The following KLRG2 variants were observed in gnomAD, a reference collection of about 807,000 sequenced individuals.
KLRG2 encodes the protein killer cell lectin-like receptor subfamily G member 2.
Under a neutral mutation model 35.4 loss-of-function variants are expected in KLRG2, and 39 were observed. The observed-to-expected ratio is 1.10, with a 90% confidence interval of 0.85 to 1.44. The LOEUF is 1.44. Ranked by LOEUF, KLRG2 falls within the 40% of genes most tolerant of loss-of-function variation. The pLI, the probability that KLRG2 is intolerant of heterozygous loss-of-function variation, is 0.00. For missense variants in KLRG2, 632 were observed against 570.9 expected, an observed-to-expected ratio of 1.11 and a Z score of -1.09; for synonymous variants, 283 against 265.8, an observed-to-expected ratio of 1.06 and a Z score of -0.63.
chr7:139,449,238 C>T (rs1370562469), downstream of KLRG2, among the ~76,000 whole-genome samples: 3 of 151,798 alleles, frequency 2.0e-5, no homozygotes, highest in Non-Finnish European at 4.4e-5. Flanking sequence ...CCTGTCTCTA[C>T]TAAAAATACA....
chr7:139,469,696 G>A (rs1054117214), intron 3 of KLRG2, among the ~76,000 whole-genome samples: 2 of 152,026 alleles, frequency 1.3e-5, no homozygotes, highest in East Asian at 1.9e-4. Context: ...CACCCACCTC[G>A]GCCTCCCAAA....
At chr7:139,433,857 G>A in the KLRG2 span, among the ~76,000 whole-genome samples, 5 of 151,868 alleles carry the variant, frequency 3.3e-5, no homozygotes, top group African/African-American at 7.3e-5. Flanking sequence ...GGCTGGTCTC[G>A]AACTCCTGAC....
the KLRG2 span, among the ~76,000 whole-genome samples, chr7:139,430,237 T>C: frequency 6.6e-6 from 1 of 151,956 alleles, no homozygotes; most frequent in African/African-American, 2.4e-5. Context: ...ACCCCATCTC[T>C]ACTAAAAATA....
chr7:139,462,999 C>CCTCCT (rs1184091276), intron 3 of KLRG2, among the ~76,000 whole-genome samples: 1 of 152,206 alleles, frequency 6.6e-6, no homozygotes, highest in African/African-American at 2.4e-5. Flanking sequence ...CCTTTTATCA[C>CCTCCT]CTCCTCTCCT....
intron 1 of KLRG2, 147 bp from the exon 2 acceptor site, chr7:139,480,394 C>A: frequency 4.0e-6 from 2 of 502,596 alleles, no homozygotes; most frequent in South Asian, 2.5e-5. Context: ...TAAACCACAA[C>A]GTTTAAGTTC....
intron 3 of KLRG2, among the ~76,000 whole-genome samples, chr7:139,476,394 G>A (rs1459317069): frequency 6.6e-6 from 1 of 152,034 alleles, no homozygotes; most frequent in Admixed American, 6.6e-5. Context: ...GTCCAGACTG[G>A]AACAGAGAAG....
At chr7:139,442,768 A>G in the KLRG2 span, among the ~76,000 whole-genome samples, 1 of 152,278 alleles carries the variant, frequency 6.6e-6, no homozygotes, top group African/African-American at 2.4e-5. Context: ...GGCAAAAGTC[A>G]TAGTGAGTCA....
intron 3 of KLRG2, among the ~76,000 whole-genome samples, chr7:139,454,830 ATAATAATAATAATAAT>A (rs1377796376): frequency 1.4e-5 from 1 of 69,408 alleles, no homozygotes; most frequent in Non-Finnish European, 2.3e-5. Flanking sequence ...AATAATAATA[ATAATAATAATAATAAT>A]AATAATAATA....
At chr7:139,476,505 G>A (rs544165901) in intron 3 of KLRG2, among the ~76,000 whole-genome samples, 17 of 151,798 alleles carry the variant, frequency 1.1e-4, no homozygotes, top group South Asian at 2.1e-4. Context: ...GCAGTGGCGC[G>A]ATCTTGGCTC....
downstream of KLRG2, chr7:139,448,817 T>A (rs1448692632): frequency 4.6e-5 from 7 of 151,950 alleles, no homozygotes; most frequent in Non-Finnish European, 8.8e-5. Context: ...AAATTAAATT[T>A]AAAAAAATTG....
rs778875071 is a variant in KLRG2, at chr7:139,483,423, G to A, written c.220C>T (p.Arg74Cys). ...PSSKKKPPSP[R>C]PGSPRVPPLS... is the part of the protein sequence containing the mutation. The stretch of plus-strand genomic sequence containing the variant: ...GGCGGCACGCGCGGGGACCCGGGGC[G>A]AGGCGAAGGCGGCTTTTTCTTGCTC... The change falls in exon 1 of 5, where the codon CGC (arginine) becomes TGC (cysteine). Residue 74 changes from arginine to cysteine, a missense_variant. By Grantham distance (180) the Arg-to-Cys change is radical. Coordinates refer to ENST00000340940, the MANE Select transcript of KLRG2 (RefSeq NM_198508.4). 13 of 1,558,160 alleles carry A rather than the reference G, an allele frequency of 8.3e-6. No homozygotes were observed. The South Asian group carries it at 1.3e-4, about 15-fold the overall frequency.
intron 3 of KLRG2, among the ~76,000 whole-genome samples, chr7:139,478,689 A>T (rs1259977604): frequency 1.3e-5 from 2 of 152,118 alleles, no homozygotes; most frequent in Admixed American, 1.3e-4. Context: ...AAAAAAGGAA[A>T]ACAAAATTAT....
chr7:139,454,341 C>T (rs1796423647), intron 3 of KLRG2, 127 bp from the exon 4 acceptor site: 1 of 640,476 alleles, frequency 1.6e-6, no homozygotes, highest in African/African-American at 1.9e-5. Context: ...CAAGCCAGCA[C>T]TTGCAGAACA....
chr7:139,451,400 T>C (rs1186781301), downstream of KLRG2, among the ~76,000 whole-genome samples: 2 of 152,054 alleles, frequency 1.3e-5, no homozygotes, highest in Non-Finnish European at 2.9e-5. Context: ...CTCAGGAGGC[T>C]GAGGCAGGAG....
the KLRG2 span, among the ~76,000 whole-genome samples, chr7:139,444,926 A>G: frequency 1.3e-5 from 2 of 152,188 alleles, no homozygotes; most frequent in Non-Finnish European, 2.9e-5. Flanking sequence ...TAATCTTCCT[A>G]TGAAGTCTTA....
intron 3 of KLRG2, among the ~76,000 whole-genome samples, chr7:139,461,753 C>T (rs531433039): frequency 6.6e-5 from 10 of 152,100 alleles, no homozygotes; most frequent in Non-Finnish European, 1.0e-4. Context: ...ACCCTTATCT[C>T]CCTTCGCTGA....
At chr7:139,439,395 TG>T in the KLRG2 span, among the ~76,000 whole-genome samples, 4 of 152,046 alleles carry the variant, frequency 2.6e-5, no homozygotes, top group African/African-American at 9.7e-5. Flanking sequence ...GGGAGCTTTC[TG>T]GGGGGCTGTC....
chr7:139,479,558 C>T, intron 3 of KLRG2, 69 bp downstream of exon 3: 1 of 1,470,852 alleles, frequency 6.8e-7, no homozygotes, highest in Non-Finnish European at 9.3e-7. Context: ...CATTAAGCTT[C>T]TTTCCAGTGC....
At chr7:139,438,200 G>A in the KLRG2 span, among the ~76,000 whole-genome samples, 1 of 152,210 alleles carries the variant, frequency 6.6e-6, no homozygotes, top group East Asian at 1.9e-4. Context: ...TGGTGGAGCC[G>A]GCCAAACAAA....
Sources: allele counts gnomAD v4.1 joint callset (sites outside exome capture counted in the v4.1 genomes callset), GRCh38; gene constraint gnomAD v4.1.1; transcripts MANE v1.5; gene names NCBI Gene and HGNC (gene_info 2026-07-23, HGNC 2026-07-21).